Variants in PLPP4 observed in about 807,000 individuals in gnomAD.
The protein encoded by PLPP4 is diacylglycerol pyrophosphate like 2.
Under a neutral mutation model 32.2 loss-of-function variants are expected in PLPP4, and 20 were observed. The observed-to-expected ratio is 0.62, with a 90% CI of 0.44 to 0.90. The LOEUF (loss-of-function observed/expected upper bound fraction) is 0.90. PLPP4 is among the 40% of genes least tolerant of loss of function. The pLI, the probability that PLPP4 is intolerant of heterozygous loss-of-function variation, is 0.00. For synonymous variants in PLPP4, 127 were observed against 133.0 expected (o/e 0.95, Z 0.31); for missense variants, 257 against 353.1 (o/e 0.73, Z 2.18).
chr10:120,551,614 T>A (rs534735653), intron 5 of PLPP4, among the ~76,000 whole-genome samples: 2 of 152,278 alleles, frequency 1.3e-5, no homozygotes, highest in African/African-American at 4.8e-5. Flanking sequence ...AATATTCTGT[T>A]TATATGCAGT....
intron 1 of PLPP4, among the ~76,000 whole-genome samples, chr10:120,479,814 GGTAGTCAT>G (rs2133813907): frequency 6.6e-6 from 1 of 152,362 alleles, no homozygotes; most frequent in South Asian, 2.1e-4. Flanking sequence ...ATGGCCCTCA[GGTAGTCAT>G]GTAATTCCTT....
intron 5 of PLPP4, among the ~76,000 whole-genome samples, chr10:120,565,431 A>G (rs767129834): frequency 6.6e-6 from 1 of 150,694 alleles, no homozygotes; most frequent in Non-Finnish European, 1.5e-5. Flanking sequence ...GGCCTTATTC[A>G]ATATGGAATT....
intron 1 of PLPP4, among the ~76,000 whole-genome samples, chr10:120,493,568 C>T (rs1022414979): frequency 6.6e-6 from 1 of 152,184 alleles, no homozygotes; most frequent in Non-Finnish European, 1.5e-5. Context: ...TCTGCCAGTC[C>T]CGCTGCCTTC....
intron 1 of PLPP4, among the ~76,000 whole-genome samples, chr10:120,480,180 C>A (rs908815349): frequency 6.6e-6 from 1 of 152,210 alleles, no homozygotes; most frequent in Non-Finnish European, 1.5e-5. Context: ...ACAGTTTTGA[C>A]GGTTGAGTAC....
At chr10:120,491,142 G>A (rs1844701591) in intron 1 of PLPP4, among the ~76,000 whole-genome samples, 1 of 152,166 alleles carries the variant, frequency 6.6e-6, no homozygotes, top group Admixed American at 6.5e-5. Context: ...CCTGCTGGGT[G>A]AGGGGACCTG....
chr10:120,503,274 A>G (rs578097387), intron 1 of PLPP4, among the ~76,000 whole-genome samples: 8 of 152,298 alleles, frequency 5.3e-5, no homozygotes, highest in African/African-American at 1.9e-4. Context: ...CCTCAGGTAA[A>G]GATTGGCTGG....
At chr10:120,507,383 A>T (rs972465959) in intron 2 of PLPP4, among the ~76,000 whole-genome samples, 2 of 131,886 alleles carry the variant, frequency 1.5e-5, no homozygotes, top group African/African-American at 5.6e-5. Flanking sequence ...CATCATCATC[A>T]TCATTATCAT....
chr10:120,591,628 C>A lies in PLPP4; in HGVS notation c.*2126C>A, dbSNP rs1198936415. Reference sequence around the variant, plus strand: ...CCTTTGCTACTGTTAAAAAAAAAAACCCCATCCTGATGTGGCCCACATTCT... The same window carrying A: ...CCTTTGCTACTGTTAAAAAAAAAAAACCCATCCTGATGTGGCCCACATTCT... On this transcript the variant is annotated 3_prime_UTR_variant, in exon 7 of 7. Coordinates refer to ENST00000398250, the MANE Select transcript of PLPP4 (RefSeq NM_001030059.3). 6.6e-5 allele frequency among the ~76,000 whole-genome samples: 10 copies of A among 150,646 alleles called. No individual in the cohort carries two copies. The highest frequency in any genetic ancestry group is 4.6e-4 in the Admixed American group (7 of 15,130).
rs112403721 is a variant in PLPP4, at chr10:120,571,319, T to C, written c.446-3812T>C. Among the ~76,000 whole-genome samples, 1,245 of 152,148 alleles carry C rather than the reference T, an allele frequency of 8.2e-3. 23 individuals carry two copies. The highest frequency in any genetic ancestry group is 0.029 in the African/African-American group (1,196 of 41,486). On this transcript the variant is annotated intron_variant, in intron 5 of 6. Coordinates refer to ENST00000398250, the MANE Select transcript of PLPP4 (RefSeq NM_001030059.3). ...CCATGTTTAAAAATGTTTAATGCCC[T>C]AAGTCTTTGAATGCTCTTGTCTCAG...
chr10:120,513,776 T>G, intron 2 of PLPP4, 135 bp from the exon 3 acceptor site: 2 of 721,214 alleles, frequency 2.8e-6, no homozygotes, highest in Non-Finnish European at 4.9e-6. Flanking sequence ...TTTTTTTTTG[T>G]TTGTTTGAGG....
chr10:120,458,529 G>T (rs1847894915), intron 1 of PLPP4, among the ~76,000 whole-genome samples: 1 of 152,134 alleles, frequency 6.6e-6, no homozygotes, highest in African/African-American at 2.4e-5. Flanking sequence ...CACATGGAAA[G>T]AAATGCCCTT....
intron 1 of PLPP4, among the ~76,000 whole-genome samples, chr10:120,474,474 G>A (rs1208573581): frequency 6.6e-6 from 1 of 152,068 alleles, no homozygotes; most frequent in Non-Finnish European, 1.5e-5. Flanking sequence ...CAGTTATATG[G>A]AAGTCCCACA....
chr10:120,481,801 A>G (rs952282650), intron 1 of PLPP4, among the ~76,000 whole-genome samples: 4 of 152,178 alleles, frequency 2.6e-5, no homozygotes, highest in East Asian at 3.9e-4. Flanking sequence ...TCCCCACCCA[A>G]ATCTCATCTT....
At chr10:120,528,950 A>C (rs1180729049) in intron 5 of PLPP4, among the ~76,000 whole-genome samples, 2 of 150,876 alleles carry the variant, frequency 1.3e-5, no homozygotes, top group African/African-American at 4.9e-5. Context: ...AAGGGACATC[A>C]GCATACTAGG....
intron 6 of PLPP4, among the ~76,000 whole-genome samples, chr10:120,585,331 C>A (rs1257771272): frequency 1.3e-5 from 2 of 152,184 alleles, no homozygotes; most frequent in Non-Finnish European, 2.9e-5. Context: ...TTTACAATTT[C>A]TTGGGTGACA....
chr10:120,470,375 A>T (rs1848464795), intron 1 of PLPP4, among the ~76,000 whole-genome samples: 1 of 152,070 alleles, frequency 6.6e-6, no homozygotes, highest in South Asian at 2.1e-4. Context: ...ATATTCTTCC[A>T]TGTCTATGGT....
chr10:120,556,974 A>T (rs1471764211), intron 5 of PLPP4, among the ~76,000 whole-genome samples: 1 of 152,204 alleles, frequency 6.6e-6, no homozygotes, highest in African/African-American at 2.4e-5. Context: ...CTGATGATTC[A>T]TGCGGCTGTT....
At chr10:120,586,496 T>A (rs1353226613) in intron 6 of PLPP4, among the ~76,000 whole-genome samples, 1 of 152,142 alleles carries the variant, frequency 6.6e-6, no homozygotes, top group Admixed American at 6.5e-5. Context: ...TGACTCAGGA[T>A]CACATTCCTG....
intron 5 of PLPP4, among the ~76,000 whole-genome samples, chr10:120,560,167 T>C (rs775566833): frequency 1.3e-5 from 2 of 152,164 alleles, no homozygotes; most frequent in Non-Finnish European, 2.9e-5. Context: ...ATGGGACTTA[T>C]GAAGTGTCAC....
Sources: allele counts gnomAD v4.1 joint callset (sites outside exome capture counted in the v4.1 genomes callset), GRCh38; gene constraint gnomAD v4.1.1; transcripts MANE v1.5; gene names NCBI Gene and HGNC (gene_info 2026-07-23, HGNC 2026-07-21).